The following ACTN4 variants were observed in gnomAD, a reference collection of about 807,000 sequenced individuals.
ACTN4 encodes the protein actinin alpha 4, also known as alpha-actinin-4.
A neutral mutation model predicts 114.2 loss-of-function variants in ACTN4; 18 were observed. That is an observed-to-expected ratio of 0.16 (90% CI 0.11 to 0.23). The LOEUF is 0.23. ACTN4 is among the 10% of genes least tolerant of loss of function. The pLI, the probability that ACTN4 is intolerant of heterozygous loss-of-function variation, is 1.00. For synonymous variants in ACTN4, 515 were observed against 506.3 expected, an observed-to-expected ratio of 1.02 and a Z score of -0.23; for missense variants, 722 against 1,262.9, an observed-to-expected ratio of 0.57 and a Z score of 6.49.
In ACTN4 at chr19:38,730,479, T is replaced by TAAACC. The variant is rs1174805665; in HGVS notation, c.*1049_*1053dup. ...TTGATTTTTTTTCTTGGTTTCTGGA[T>TAAACC]AAACCACCCTCTGGGGACAGGATAA... is the stretch of plus-strand genomic sequence containing the variant. On this transcript the variant is annotated 3_prime_UTR_variant, in exon 21 of 21. Coordinates refer to ENST00000252699, the MANE Select transcript of ACTN4 (RefSeq NM_004924.6). 4.1e-6 allele frequency: 1 copy of TAAACC among 245,138 alleles called. No individual in the cohort carries two copies. Among genetic ancestry groups the TAAACC allele is most frequent in the Non-Finnish European group, 8.0e-6 (1 of 124,750 alleles). The allele number at this position is 245,138 out of a possible 1,614,324, so 15.2% of individuals were successfully genotyped here.
At chr19:38,680,390 G>A (rs1967526826) in intron 1 of ACTN4, among the ~76,000 whole-genome samples, 1 of 152,012 alleles carries the variant, frequency 6.6e-6, no homozygotes, top group Non-Finnish European at 1.5e-5. Context: ...CATTTGGCCA[G>A]GCTGGTCTCG....
chr19:38,693,950 A>C (rs1968011557), intron 1 of ACTN4, among the ~76,000 whole-genome samples: 1 of 152,022 alleles, frequency 6.6e-6, no homozygotes, highest in Non-Finnish European at 1.5e-5. Context: ...CCCCGCACTC[A>C]CACCCTGTGC....
intron 16 of ACTN4, among the ~76,000 whole-genome samples, chr19:38,725,301 G>A (rs997938926): frequency 6.6e-6 from 1 of 152,168 alleles, no homozygotes; most frequent in Admixed American, 6.5e-5. Flanking sequence ...ATGTGGACTT[G>A]TGGGTGCCGA....
rs1446538177 is a variant in ACTN4, at chr19:38,729,324, C to T, written c.2628C>T (p.Ala876=). The T allele has an allele frequency of 1.9e-6, 3 of 1,612,142 alleles. No individual in the cohort carries two copies. Among genetic ancestry groups the T allele is most frequent in the Admixed American group, 1.7e-5 (1 of 59,930 alleles). Residue 876 remains alanine (A), a synonymous_variant, in exon 21 of 21, where the codon GCC becomes GCT. Transcript: ENST00000252699. ...ELRRELPPDQ[A]EYCIARMAPY... The stretch of plus-strand genomic sequence containing the variant: ...GGAGAGAGCTGCCCCCCGACCAGGC[C>T]GAGTACTGCATCGCCCGCATGGCGC...
intron 1 of ACTN4, chr19:38,684,103 C>T (rs1967663883): frequency 6.6e-6 from 1 of 152,562 alleles, no homozygotes; most frequent in Non-Finnish European, 1.5e-5. Context: ...GCTTAACAGC[C>T]CTGTGGCCAT....
intron 1 of ACTN4, among the ~76,000 whole-genome samples, chr19:38,673,672 ATTTATATAT>A (rs1568690639): frequency 1.7e-5 from 1 of 57,918 alleles, no homozygotes; most frequent in African/African-American, 9.2e-5. Context: ...TATTATATAT[ATTTATATAT>A]TTATATATAT....
At chr19:38,665,207 C>G (rs1029975688) in intron 1 of ACTN4, among the ~76,000 whole-genome samples, 1 of 152,268 alleles carries the variant, frequency 6.6e-6, no homozygotes, top group African/African-American at 2.4e-5. Flanking sequence ...GTGTCAGTGG[C>G]AAGAAGGCTG....
At chr19:38,690,741 G>C (rs1321443533) in intron 1 of ACTN4, among the ~76,000 whole-genome samples, 1 of 152,170 alleles carries the variant, frequency 6.6e-6, no homozygotes, top group Non-Finnish European at 1.5e-5. Flanking sequence ...GCCTAGCCTT[G>C]TTCTGGAATT....
At chr19:38,716,459 G>A (rs1968844384) in intron 9 of ACTN4, among the ~76,000 whole-genome samples, 1 of 152,244 alleles carries the variant, frequency 6.6e-6, no homozygotes, top group Admixed American at 6.5e-5. Context: ...AGTGGGGCAT[G>A]TGACAGCATG....
intron 1 of ACTN4, among the ~76,000 whole-genome samples, chr19:38,657,467 C>G (rs1280952268): frequency 6.6e-6 from 1 of 152,120 alleles, no homozygotes; most frequent in Non-Finnish European, 1.5e-5. Flanking sequence ...TTTGTAAAGA[C>G]TGGGTCTCAC....
Position 38,727,239 on chromosome 19 carries a change from C to T in ACTN4, c.2337+136C>T. On this transcript the variant is annotated intron_variant, in intron 18 of 20. Coordinates refer to ENST00000252699, the MANE Select transcript of ACTN4 (RefSeq NM_004924.6). This position sits in a 1 kb window ranked among gnomAD's most constrained non-coding sequence, Gnocchi z 5.4. ...GCCGCCACTCCCAGGGCCAGCAGGG[C>T]CCTGCCACTGTCAGGGTGTAGGTGT... 3 of 1,372,500 alleles carry T rather than the reference C, an allele frequency of 2.2e-6. No individual in the cohort carries two copies. The highest frequency in any genetic ancestry group is 3.0e-6 in the Non-Finnish European group (3 of 989,980). The allele number at this position is 1,372,500 out of a possible 1,614,324, so 85.0% of individuals were successfully genotyped here.
rs181208850 is a variant in ACTN4, at chr19:38,717,623, G to A, written c.1144-304G>A. Among the ~76,000 whole-genome samples the A allele has an allele frequency of 2.9e-4, 44 of 152,320 alleles. No homozygotes were observed. Among genetic ancestry groups the A allele is most frequent in the Admixed American group, 2.5e-3 (39 of 15,306 alleles). On this transcript the variant is annotated intron_variant, in intron 10 of 20. Transcript: ENST00000252699. This position sits in a 1 kb window ranked among gnomAD's most constrained non-coding sequence, Gnocchi z 4.0. ...TCTGCCATGATGGCATGACCGCCAT[G>A]TGCTTGAGGCCCTTCATCAGCGGAG...
intron 1 of ACTN4, among the ~76,000 whole-genome samples, chr19:38,691,504 T>C (rs1213594089): frequency 6.6e-6 from 1 of 151,548 alleles, no homozygotes; most frequent in Non-Finnish European, 1.5e-5. Context: ...CCTGGGTTGC[T>C]GACATTTGAG....
At chr19:38,687,602 C>T (rs1967788371) in intron 1 of ACTN4, among the ~76,000 whole-genome samples, 1 of 152,178 alleles carries the variant, frequency 6.6e-6, no homozygotes, top group Non-Finnish European at 1.5e-5. Flanking sequence ...TGAAGTTGAA[C>T]CTTTACCTCA....
At position 38,729,604 on chromosome 19, in the gene ACTN4, G is replaced by T. The variant is rs1329517327; in HGVS notation, c.*172G>T. The T allele has an allele frequency of 9.9e-7, 1 of 1,011,162 alleles. No homozygotes were observed. Among genetic ancestry groups the T allele is most frequent in the Non-Finnish European group, 1.5e-6 (1 of 668,358 alleles). 62.6% of individuals were successfully genotyped at this position (1,011,162 alleles called of 1,614,324 possible). A position where few individuals can be genotyped will look rare whatever the true frequency, so the allele number is the denominator to read the frequency against. On this transcript the variant is annotated 3_prime_UTR_variant, in exon 21 of 21. Transcript: ENST00000252699. ...GGCTCTCTCCTCTCTCTCTTTGTGG[G>T]TTGGCCAGGAGGTTCCCCCGACCAG...
At chr19:38,656,384 TTTTCTC>T (rs1976712929) in intron 1 of ACTN4, among the ~76,000 whole-genome samples, 1 of 152,138 alleles carries the variant, frequency 6.6e-6, no homozygotes, top group African/African-American at 2.4e-5. Flanking sequence ...CCAGCCAACT[TTTTCTC>T]TTAAGGCTCC....
intron 1 of ACTN4, among the ~76,000 whole-genome samples, chr19:38,692,919 A>G (rs555725477): frequency 6.6e-6 from 1 of 152,066 alleles, no homozygotes; most frequent in African/African-American, 2.4e-5. Flanking sequence ...CGGAGCGACA[A>G]ACCCTACACG....
chr19:38,727,046 G>A lies in ACTN4; in HGVS notation c.2280G>A (p.Lys760=), dbSNP rs1485981434. ...ACCAGATCCTCACCCGCGACGCCAA[G>A]GGCATCAGCCAGGAGCAGATGCAGG... The part of the protein sequence containing the change: ...VENQILTRDA[K]GISQEQMQEF... Residue 760 remains lysine (K), a synonymous_variant, in exon 18 of 21, where the codon AAG becomes AAA. Transcript: ENST00000252699. This position sits in a 1 kb window ranked among gnomAD's most constrained non-coding sequence, Gnocchi z 5.4. The A allele has an allele frequency of 1.2e-6, 2 of 1,613,996 alleles. No homozygotes were observed. The highest frequency in any genetic ancestry group is 1.7e-6 in the Non-Finnish European group (2 of 1,180,028).
chr19:38,701,299 A>G (rs1968267916), intron 3 of ACTN4, among the ~76,000 whole-genome samples, 178 bp downstream of exon 3: 1 of 152,140 alleles, frequency 6.6e-6, no homozygotes, highest in African/African-American at 2.4e-5. Context: ...TGCTGGGCCC[A>G]CAAGCTCCCC....
Sources: gnomAD v4.1 joint callset for allele counts (sites outside exome capture counted in the v4.1 genomes callset) on GRCh38, gnomAD v4.1.1 for gene constraint, Gnocchi (gnomAD v3.1) non-coding constraint, MANE v1.5 for transcripts, NCBI Gene and HGNC (gene_info 2026-07-23, HGNC 2026-07-21) for gene names.